INTS3: variants seen among roughly 807,000 people sequenced by gnomAD.
INTS3 encodes SOSS complex subunit A.
INTS3 carries 34 observed loss-of-function variants against 146.3 expected under a neutral mutation model. The observed-to-expected ratio is 0.23, with a 90% CI of 0.18 to 0.31. The LOEUF (loss-of-function observed/expected upper bound fraction) is 0.31. Ranked by LOEUF, INTS3 falls within the 10% of genes least tolerant of loss-of-function variation. The pLI is 1.00. For missense variants in INTS3, 757 were observed against 1,304.2 expected (o/e 0.58, Z 6.46); for synonymous variants, 475 against 494.9 (o/e 0.96, Z 0.53).
At chr1:153,754,885 G>T (rs1166510278) in intron 9 of INTS3, 146 bp downstream of exon 9, 2 of 651,038 alleles carry the variant, frequency 3.1e-6, no homozygotes, top group Non-Finnish European at 5.5e-6. Flanking sequence ...TGGCTTCTTT[G>T]TCCTTTATTC....
intron 6 of INTS3, chr1:153,750,883 A>G: frequency 2.1e-6 from 1 of 466,408 alleles, no homozygotes; most frequent in Non-Finnish European, 3.8e-6. Flanking sequence ...AGGCACTTGG[A>G]AGAGAAAATT....
chr1:153,746,155 T>A (rs1394827581), intron 3 of INTS3, among the ~76,000 whole-genome samples: 2 of 152,236 alleles, frequency 1.3e-5, no homozygotes, highest in East Asian at 3.8e-4. Flanking sequence ...CTTCTTCCCT[T>A]ACTACTCCCT....
At chr1:153,767,924 T>C in intron 21 of INTS3, 97 bp downstream of exon 21, 1 of 1,299,264 alleles carries the variant, frequency 7.7e-7, no homozygotes, top group African/African-American at 1.5e-5. Flanking sequence ...CTTTTGTTCA[T>C]CCCCACTAAC....
At chr1:153,745,593 G>A (rs540698589) in intron 3 of INTS3, among the ~76,000 whole-genome samples, 121 of 151,166 alleles carry the variant, frequency 8.0e-4, no homozygotes, top group African/African-American at 2.8e-3. Context: ...GGCTAAGGAA[G>A]TTGCTAATGA....
chr1:153,748,798 C>T (rs757035538), intron 6 of INTS3, 43 bp downstream of exon 6: 1 of 1,469,264 alleles, frequency 6.8e-7, no homozygotes, highest in Non-Finnish European at 9.5e-7. Flanking sequence ...CAGATAATGG[C>T]CATTAGGAGT....
Position 153,772,316 on chromosome 1 carries a change from CTG to C in INTS3, c.2721-23_2721-22del, listed in dbSNP as rs1672923846. The C allele has an allele frequency of 1.9e-6, 3 of 1,609,958 alleles. No homozygotes were observed. The East Asian group carries it at 6.7e-5, about 36-fold the overall frequency. ...TCTGGAACCCTCCCACACTCAGACTCTGGCTCTGGTGATTCCTGCACAGCCTG... is the reference window on the plus strand; with the variant it reads ...TCTGGAACCCTCCCACACTCAGACTCGCTCTGGTGATTCCTGCACAGCCTG... On this transcript the variant is annotated intron_variant, in intron 26 of 29. Transcript: ENST00000318967. This position sits in a 1 kb window ranked among gnomAD's most constrained non-coding sequence, Gnocchi z 4.6.
At chr1:153,758,835 T>C (rs1672262528) in intron 10 of INTS3, among the ~76,000 whole-genome samples, 1 of 149,680 alleles carries the variant, frequency 6.7e-6, no homozygotes, top group Non-Finnish European at 1.5e-5. Flanking sequence ...TGGCCAGGCA[T>C]GGTGGCTCTC....
At position 153,773,016 on chromosome 1, in the gene INTS3, C is replaced by T; in HGVS notation, c.2986C>T (p.Arg996Ter). ...GCGAAAAGCAGCTCTGTCCAGCCCTCGAAGTCGAAAGAATGCCACACAGCC... is the reference window on the plus strand; with the variant it reads ...GCGAAAAGCAGCTCTGTCCAGCCCTTGAAGTCGAAAGAATGCCACACAGCC... ...SRRKAALSSP[R>*]SRKNATQPPN... The change falls in exon 29 of 30, where the codon CGA becomes TGA. Residue 996 changes from arginine to a stop codon, truncating the protein, a stop_gained. Transcript: ENST00000318967. LOFTEE classifies it high-confidence loss of function. 1 of 1,614,148 alleles carries T rather than the reference C, an allele frequency of 6.2e-7. No individual in the cohort carries two copies.
chr1:153,767,016 C>G (rs955557784), intron 20 of INTS3: 1 of 152,144 alleles, frequency 6.6e-6, no homozygotes, highest in Non-Finnish European at 1.5e-5. Context: ...GGCCAACTTT[C>G]AAGAATGTTT....
In INTS3 at chr1:153,767,903, C is replaced by T. The variant is rs1672658891; in HGVS notation, c.2244+76C>T. 4 of 1,399,286 alleles carry T rather than the reference C, an allele frequency of 2.9e-6. No homozygotes were observed. The Admixed American group carries it at 9.4e-5, about 33-fold the overall frequency. 86.7% of individuals were successfully genotyped at this position (1,399,286 alleles called of 1,614,324 possible). ...CAGTGAACACTCTGAGTACACACAA[C>T]CCTGAACCCTCTTTTGTTCATCCCC... On this transcript the variant is annotated intron_variant, in intron 21 of 29. Coordinates refer to ENST00000318967, the MANE Select transcript of INTS3 (RefSeq NM_023015.5).
intron 1 of INTS3, among the ~76,000 whole-genome samples, chr1:153,733,997 G>T (rs1380414157): frequency 6.6e-6 from 1 of 152,110 alleles, no homozygotes; most frequent in Non-Finnish European, 1.5e-5. Context: ...CTCCAGCTTT[G>T]GGTATATACT....
In INTS3 at chr1:153,728,630, C is replaced by G. The variant is rs770351647; in HGVS notation, c.-5C>G. 9 of 1,597,884 alleles carry G rather than the reference C, an allele frequency of 5.6e-6. 1 individual carries two copies. The highest frequency in any genetic ancestry group is 2.2e-4 in the Middle Eastern group (1 of 4,590). On this transcript the variant is annotated 5_prime_UTR_variant, in exon 1 of 30. Transcript: ENST00000318967. ...CTGACCTTTTCCCGGCTCCTGGCTG[C>G]AGCCATGGAGTTGCAGAAGGGAAAA...
chr1:153,760,002 TGGG>T (rs1394922217), intron 11 of INTS3: 7 of 503,782 alleles, frequency 1.4e-5, no homozygotes, highest in East Asian at 9.9e-5. Flanking sequence ...TCAGTGGAAA[TGGG>T]GGGAATAGAC....
Position 153,741,351 on chromosome 1 carries a change from C to A in INTS3, c.301C>A (p.Pro101Thr), listed in dbSNP as rs1671528981. 1 of 1,613,690 alleles carries A rather than the reference C, an allele frequency of 6.2e-7. No homozygotes were observed. Among genetic ancestry groups the A allele is most frequent in the Non-Finnish European group, 8.5e-7 (1 of 1,179,620 alleles). ...CCTGTTTACTCTCATCCTCACTGAA[C>A]CTGCCCAAGCCCAGAAGGTAAGGCA... ...LGLFTLILTE[P>T]AQAQKCYRDL... The change falls in exon 3 of 30, where the codon CCT becomes ACT. Residue 101 changes from proline to threonine, a missense_variant. Pro to Thr is a conservative substitution (Grantham distance 38). This residue lies in a region of INTS3 where 160 missense variants were observed against 193.7 expected (regional missense o/e 0.83). Transcript: ENST00000318967.
chr1:153,752,440 G>C (rs757715252), intron 8 of INTS3, 32 bp downstream of exon 8: 68 of 1,591,110 alleles, frequency 4.3e-5, no homozygotes, highest in Non-Finnish European at 5.6e-5. Context: ...CTGTCCTTGA[G>C]AGCTGGGAGT....
At chr1:153,769,939 C>A in intron 23 of INTS3, 95 bp downstream of exon 23, 1 of 960,296 alleles carries the variant, frequency 1.0e-6, no homozygotes, top group Non-Finnish European at 1.7e-6. Context: ...GGTTCTGGGG[C>A]TGGGAAGTTA....
chr1:153,768,526 T>C (rs1423540776), intron 21 of INTS3, among the ~76,000 whole-genome samples: 1 of 152,232 alleles, frequency 6.6e-6, no homozygotes, highest in Non-Finnish European at 1.5e-5. Flanking sequence ...ACTTCTTTGC[T>C]GCCAGGGATG....
chr1:153,752,280 T>C lies in INTS3; in HGVS notation c.731T>C (p.Phe244Ser). Reference protein sequence around the residue: ...DFCISLLRERFMECLMIGRDL... With the variant: ...DFCISLLRERSMECLMIGRDL... ...CCCCACTTCCTCTTCCCTATCAAGT[T>C]CATGGAATGTCTGATGATTGGTCGG... is the stretch of plus-strand genomic sequence containing the variant. The change falls in exon 8 of 30, where the codon TTC becomes TCC. Residue 244 changes from phenylalanine to serine, a missense_variant and splice_region_variant. Around this residue, in one of 8 missense-constraint regions of INTS3, gnomAD observed 134 missense variants for 243.1 expected, o/e 0.55. Coordinates refer to ENST00000318967, the MANE Select transcript of INTS3 (RefSeq NM_023015.5). 1 of 1,613,584 alleles carries C rather than the reference T, an allele frequency of 6.2e-7. No homozygotes were observed. Among genetic ancestry groups the C allele is most frequent in the Non-Finnish European group, 8.5e-7 (1 of 1,179,570 alleles).
rs1670914485 is a variant in INTS3, at chr1:153,728,103, A to G, written c.-532A>G. The G allele has an allele frequency of 7.3e-6, 2 of 272,276 alleles. No individual in the cohort carries two copies. The allele number at this position is 272,276 out of a possible 1,614,324, so 16.9% of individuals were successfully genotyped here. A position where few individuals can be genotyped will look rare whatever the true frequency, so the allele number is the denominator to read the frequency against. The stretch of plus-strand genomic sequence containing the variant: ...GGCCGCTTCTGTGTGGTGTGGGGAG[A>G]CGCTGGTCCTCCCCGTCCTCCCATA... On this transcript the variant is annotated 5_prime_UTR_variant, in exon 1 of 30. Coordinates refer to ENST00000318967, the MANE Select transcript of INTS3 (RefSeq NM_023015.5).
Sources: allele counts gnomAD v4.1 joint callset (sites outside exome capture counted in the v4.1 genomes callset), GRCh38; gene constraint gnomAD v4.1.1; regional missense constraint gnomAD v4.1.1; non-coding constraint Gnocchi (gnomAD v3.1); transcripts MANE v1.5; gene names NCBI Gene and HGNC (gene_info 2026-07-23, HGNC 2026-07-21).